The following KIAA1549L variants were observed in gnomAD, a reference collection of about 807,000 sequenced individuals.
The protein encoded by KIAA1549L is KIAA1549 like.
KIAA1549L carries 88 observed loss-of-function variants against 160.7 expected under a neutral mutation model. The ratio of observed to expected loss-of-function variants is 0.55; its 90% CI spans 0.46 to 0.65. KIAA1549L has a LOEUF of 0.65. Ranked by LOEUF, KIAA1549L falls within the 30% of genes least tolerant of loss-of-function variation. KIAA1549L has a pLI of 0.00. For synonymous variants in KIAA1549L, 950 were observed against 976.7 expected (o/e 0.97, Z 0.51); for missense variants, 2,258 against 2,437.5 (o/e 0.93, Z 1.55).
At chr11:33,506,098 AC>A (rs1446334082) in intron 1 of KIAA1549L, among the ~76,000 whole-genome samples, 1 of 152,174 alleles carries the variant, frequency 6.6e-6, no homozygotes, top group African/African-American at 2.4e-5. Flanking sequence ...CAGGATTTGA[AC>A]CCAGGCAGTC....
intron 16 of KIAA1549L, among the ~76,000 whole-genome samples, chr11:33,624,612 T>C (rs1172525698): frequency 6.6e-6 from 1 of 152,228 alleles, no homozygotes; most frequent in Non-Finnish European, 1.5e-5. Flanking sequence ...AACTAGCTTT[T>C]ACATGTATTT....
intron 11 of KIAA1549L, among the ~76,000 whole-genome samples, chr11:33,586,382 C>T (rs1304126881): frequency 3.9e-5 from 6 of 152,020 alleles, no homozygotes; most frequent in Non-Finnish European, 1.5e-5. Context: ...CCATGGACTA[C>T]CCCATTCCCA....
intron 14 of KIAA1549L, among the ~76,000 whole-genome samples, chr11:33,607,913 C>G (rs920106662): frequency 6.6e-6 from 1 of 152,320 alleles, no homozygotes; most frequent in Admixed American, 6.5e-5. Flanking sequence ...GTACAGAGCA[C>G]TTCTCTTTCA....
At chr11:33,397,302 C>T (rs191042999) in intron 1 of KIAA1549L, among the ~76,000 whole-genome samples, 3 of 140,768 alleles carry the variant, frequency 2.1e-5, no homozygotes, top group Non-Finnish European at 4.5e-5. Context: ...CCATTGCACT[C>T]CAGCCTTGGT....
chr11:33,666,600 G>T (rs1852463622), intron 20 of KIAA1549L, among the ~76,000 whole-genome samples: 2 of 152,196 alleles, frequency 1.3e-5, no homozygotes, highest in African/African-American at 2.4e-5. Context: ...ATCCCTGTAT[G>T]TGCCACTGTT....
At chr11:33,444,671 A>G (rs539875098) in intron 1 of KIAA1549L, among the ~76,000 whole-genome samples, 2 of 152,380 alleles carry the variant, frequency 1.3e-5, no homozygotes, top group South Asian at 4.1e-4. Context: ...ATGAAAGCAT[A>G]TAAAGAATAT....
chr11:33,617,879 A>C (rs1006857646), intron 15 of KIAA1549L, among the ~76,000 whole-genome samples: 2 of 151,434 alleles, frequency 1.3e-5, no homozygotes, highest in Non-Finnish European at 2.9e-5. Flanking sequence ...ATGGGTAGGT[A>C]GGTGGATGGA....
intron 17 of KIAA1549L, 86 bp from the exon 18 acceptor site, chr11:33,655,926 T>G: frequency 1.1e-6 from 1 of 877,130 alleles, no homozygotes; most frequent in Non-Finnish European, 1.9e-6. Flanking sequence ...CTTGGAAGTT[T>G]GCTTCCTCCT....
rs1852590923 is a variant in KIAA1549L, at chr11:33,669,203, T to C, written c.*1049T>C. 1 of 152,220 alleles carries C rather than the reference T, an allele frequency of 6.6e-6. No homozygotes were observed. The highest frequency in any genetic ancestry group is 1.5e-5 in the Non-Finnish European group (1 of 68,036). 9.4% of individuals were successfully genotyped at this position (152,220 alleles called of 1,614,324 possible). ...GAAGCTTCTGAATGTAGAAAAGCTG[T>C]TGAATTTCATTTAAATGTAAATAAC... On this transcript the variant is annotated 3_prime_UTR_variant, in exon 21 of 21. Coordinates refer to ENST00000658780, the MANE Select transcript of KIAA1549L (RefSeq NM_012194.3).
At chr11:33,558,048 A>T (rs1352296655) in intron 6 of KIAA1549L, among the ~76,000 whole-genome samples, 1 of 152,214 alleles carries the variant, frequency 6.6e-6, no homozygotes, top group Non-Finnish European at 1.5e-5. Context: ...ATCATTACAC[A>T]TTCTATGCGT....
intron 16 of KIAA1549L, among the ~76,000 whole-genome samples, chr11:33,625,875 G>C (rs1237412938): frequency 6.6e-6 from 1 of 151,954 alleles, no homozygotes. Flanking sequence ...TTTTCTTCTA[G>C]GGTTTTTATG....
At chr11:33,551,319 T>C in intron 5 of KIAA1549L, 60 bp downstream of exon 5, 2 of 1,410,360 alleles carry the variant, frequency 1.4e-6, no homozygotes, top group East Asian at 2.4e-5. Context: ...CAGTACCAAG[T>C]GGACACCTGT....
At chr11:33,656,611 C>T (rs182999628) in intron 18 of KIAA1549L, among the ~76,000 whole-genome samples, 15 of 152,274 alleles carry the variant, frequency 9.9e-5, no homozygotes, top group East Asian at 1.9e-4. Flanking sequence ...GAAAATCTAA[C>T]GAGGGCATGT....
At chr11:33,619,536 AT>A in intron 16 of KIAA1549L, among the ~76,000 whole-genome samples, 1 of 152,178 alleles carries the variant, frequency 6.6e-6, no homozygotes, top group East Asian at 1.9e-4. Flanking sequence ...AAGCAACAAT[AT>A]TTTTCTCCCT....
In KIAA1549L at chr11:33,552,245, G is replaced by T; in HGVS notation, c.3855+4G>T. The T allele has an allele frequency of 6.3e-7, 1 of 1,597,418 alleles. No homozygotes were observed. Among genetic ancestry groups the T allele is most frequent in the South Asian group, 1.1e-5 (1 of 87,972 alleles). ...CAAAAGCAACTTGACAATTCAGGTA[G>T]GGAGGAAGGTGCTTCAGGCTGTGTA... On this transcript the variant is annotated splice_donor_region_variant and intron_variant, in intron 6 of 20. Coordinates refer to ENST00000658780, the MANE Select transcript of KIAA1549L (RefSeq NM_012194.3).
At chr11:33,527,344 A>G (rs183103818) in intron 1 of KIAA1549L, among the ~76,000 whole-genome samples, 1 of 152,214 alleles carries the variant, frequency 6.6e-6, no homozygotes, top group African/African-American at 2.4e-5. Flanking sequence ...AAAATGGGGA[A>G]AGGATACCTT....
chr11:33,376,570 C>T lies in KIAA1549L; in HGVS notation c.-82C>T, dbSNP rs1358214143. On this transcript the variant is annotated 5_prime_UTR_variant, in exon 1 of 21. Coordinates refer to ENST00000658780, the MANE Select transcript of KIAA1549L (RefSeq NM_012194.3). The surrounding 1 kb of genome is among the most constrained non-coding windows in gnomAD (Gnocchi z 5.8). Reference sequence around the variant, plus strand: ...CGCCCGGGCCGTGGCCGGCGATGCCCGGTGAGGACCGGGGCGCCGAGGGCT... The same window carrying T: ...CGCCCGGGCCGTGGCCGGCGATGCCTGGTGAGGACCGGGGCGCCGAGGGCT... The T allele has an allele frequency of 1.3e-5, 2 of 148,840 alleles. No homozygotes were observed. Among genetic ancestry groups the T allele is most frequent in the East Asian group, 4.0e-4 (2 of 5,038 alleles). The allele number at this position is 148,840 out of a possible 1,614,324, so 9.2% of individuals were successfully genotyped here. A position where few individuals can be genotyped will look rare whatever the true frequency, so the allele number is the denominator to read the frequency against.
At position 33,399,028 on chromosome 11, in the gene KIAA1549L, C is replaced by G. The variant is rs143213733; in HGVS notation, c.238+22139C>G. ...AGTTCAGTGGCACAATCTCTGCTCA[C>G]TGCAACCTCCACCTCCCGGGTTCAA... is the stretch of plus-strand genomic sequence containing the variant. On this transcript the variant is annotated intron_variant, in intron 1 of 20. Transcript: ENST00000658780. Among the ~76,000 whole-genome samples the G allele has an allele frequency of 5.6e-3, 841 of 151,488 alleles. 12 individuals carry two copies. Among genetic ancestry groups the G allele is most frequent in the African/African-American group, 0.02 (815 of 41,240 alleles).
At chr11:33,624,574 AG>A (rs774733813) in intron 16 of KIAA1549L, among the ~76,000 whole-genome samples, 1 of 152,218 alleles carries the variant, frequency 6.6e-6, no homozygotes. Flanking sequence ...TGAAAGAAAA[AG>A]GAAAAAAAAC....
Sources: gnomAD v4.1 joint callset for allele counts (sites outside exome capture counted in the v4.1 genomes callset) on GRCh38, gnomAD v4.1.1 for gene constraint, Gnocchi (gnomAD v3.1) non-coding constraint, MANE v1.5 for transcripts, NCBI Gene and HGNC (gene_info 2026-07-23, HGNC 2026-07-21) for gene names.